The following TMEM144 variants were observed in gnomAD, a reference collection of about 807,000 sequenced individuals.
TMEM144 encodes the protein transmembrane protein 144.
A neutral mutation model predicts 43.6 loss-of-function variants in TMEM144; 39 were observed. The ratio of observed to expected loss-of-function variants is 0.90; its 90% CI spans 0.69 to 1.17. The LOEUF is 1.17. Among genes scored for constraint, TMEM144 ranks in the 50% most tolerant of loss-of-function variants. The pLI, the probability that TMEM144 is intolerant of heterozygous loss-of-function variation, is 0.00. For missense variants in TMEM144, 417 were observed against 411.9 expected (o/e 1.01, Z -0.11); for synonymous variants, 154 against 133.6 (o/e 1.15, Z -1.06).
chr4:158,218,710 G>A (rs191819916), intron 5 of TMEM144, among the ~76,000 whole-genome samples: 16 of 152,238 alleles, frequency 1.1e-4, no homozygotes, highest in African/African-American at 3.1e-4. Context: ...TGAGTCAGGT[G>A]AACTACTTTT....
chr4:158,229,503 G>A (rs1221850701), intron 6 of TMEM144, among the ~76,000 whole-genome samples: 1 of 152,068 alleles, frequency 6.6e-6, no homozygotes, highest in Admixed American at 6.5e-5. Flanking sequence ...ACCCATTTAA[G>A]GCAGCACTTT....
chr4:158,246,504 A>G (rs1735898756), intron 12 of TMEM144, among the ~76,000 whole-genome samples: 1 of 152,218 alleles, frequency 6.6e-6, no homozygotes, highest in African/African-American at 2.4e-5. Flanking sequence ...GATTTAAAAA[A>G]TAATAAACTT....
rs530224295 is a variant in TMEM144, at chr4:158,236,401, A to C, written c.563+896A>C. Among the ~76,000 whole-genome samples, 5 of 152,272 alleles carry C rather than the reference A, an allele frequency of 3.3e-5. No individual in the cohort carries two copies. The East Asian group carries it at 9.7e-4, about 29-fold the overall frequency. On this transcript the variant is annotated intron_variant, in intron 8 of 12. Transcript: ENST00000296529. ...TTTTTTTTCACAAAGCCTCCCCTTC[A>C]TTAAGATATTTTTAAAGAAAAATAT...
Position 158,253,462 on chromosome 4 carries a change from T to C in TMEM144, c.973T>C (p.Leu325=). The C allele has an allele frequency of 6.2e-7, 1 of 1,613,598 alleles. No homozygotes were observed. The highest frequency in any genetic ancestry group is 8.5e-7 in the Non-Finnish European group (1 of 1,179,766). The part of the protein sequence containing the change: ...KEIKGLQNYL[L]MILAFCIILT... Reference sequence around the variant, plus strand: ...TATTCAGGGTCTACAAAACTACCTATTAATGATACTTGCATTTTGCATCAT... The same window carrying C: ...TATTCAGGGTCTACAAAACTACCTACTAATGATACTTGCATTTTGCATCAT... Residue 325 remains leucine, a synonymous_variant, in exon 13 of 13, where the codon TTA becomes CTA. Transcript: ENST00000296529.
intron 6 of TMEM144, among the ~76,000 whole-genome samples, chr4:158,232,607 A>G (rs1199999119): frequency 6.6e-6 from 1 of 152,222 alleles, no homozygotes; most frequent in African/African-American, 2.4e-5. Context: ...ATTTCAATGT[A>G]GTTTTCATTT....
chr4:158,211,348 C>A (rs375500942), intron 1 of TMEM144, 105 bp from the exon 2 acceptor site: 3 of 152,196 alleles, frequency 2.0e-5, no homozygotes, highest in African/African-American at 4.8e-5. Flanking sequence ...TAGACATTCT[C>A]TTCTATCAAT....
chr4:158,238,990 C>T (rs1305084953), intron 9 of TMEM144, among the ~76,000 whole-genome samples: 2 of 152,060 alleles, frequency 1.3e-5, no homozygotes, highest in African/African-American at 2.4e-5. Flanking sequence ...TGTGCTCTGT[C>T]CTAAGTATTT....
chr4:158,235,342 T>A (rs1735285555), intron 7 of TMEM144, 96 bp from the exon 8 acceptor site: 2 of 1,275,352 alleles, frequency 1.6e-6, no homozygotes, highest in South Asian at 2.9e-5. Flanking sequence ...TTAAAGCATG[T>A]TTGAAAGAGA....
At chr4:158,233,622 A>G (rs1735196345) in intron 7 of TMEM144, 1 of 152,278 alleles carries the variant, frequency 6.6e-6, no homozygotes, top group African/African-American at 2.4e-5. Context: ...AATCCTTCTC[A>G]TCTCAAGAAA....
intron 12 of TMEM144, among the ~76,000 whole-genome samples, chr4:158,247,893 G>A: frequency 6.8e-6 from 1 of 147,158 alleles, no homozygotes. Flanking sequence ...AGGTCCTAAA[G>A]TTTGGCTAAT....
At chr4:158,229,573 C>G (rs529923208) in intron 6 of TMEM144, among the ~76,000 whole-genome samples, 3 of 152,248 alleles carry the variant, frequency 2.0e-5, no homozygotes, top group Non-Finnish European at 4.4e-5. Context: ...TCTGGTCTAT[C>G]CAGATTCCTC....
At chr4:158,222,550 A>C (rs959423719) in intron 6 of TMEM144, among the ~76,000 whole-genome samples, 3 of 152,178 alleles carry the variant, frequency 2.0e-5, no homozygotes, top group Non-Finnish European at 4.4e-5. Flanking sequence ...CTAAACTACC[A>C]AAACTTTTTG....
At chr4:158,242,201 C>T (rs1020224723) in intron 11 of TMEM144, among the ~76,000 whole-genome samples, 4 of 152,222 alleles carry the variant, frequency 2.6e-5, no homozygotes, top group Non-Finnish European at 4.4e-5. Flanking sequence ...GTAATGGAAG[C>T]AAAGCCTTCT....
Position 158,253,629 on chromosome 4 carries a change from G to T in TMEM144, c.*102G>T. The T allele has an allele frequency of 2.2e-6, 2 of 900,832 alleles. No individual in the cohort carries two copies. Among genetic ancestry groups the T allele is most frequent in the Non-Finnish European group, 3.5e-6 (2 of 579,166 alleles). The allele number at this position is 900,832 out of a possible 1,614,324, so 55.8% of individuals were successfully genotyped here. A position where few individuals can be genotyped will look rare whatever the true frequency, so the allele number is the denominator to read the frequency against. On this transcript the variant is annotated 3_prime_UTR_variant, in exon 13 of 13. Coordinates refer to ENST00000296529, the MANE Select transcript of TMEM144 (RefSeq NM_018342.5). The stretch of plus-strand genomic sequence containing the variant: ...AAGAGTGCATTTTCATATAGCAAAT[G>T]GATCTCAGCCACTGTTGGAGTGGGT...
At chr4:158,238,676 A>G (rs965468536) in intron 9 of TMEM144, among the ~76,000 whole-genome samples, 4 of 152,362 alleles carry the variant, frequency 2.6e-5, no homozygotes, top group South Asian at 2.1e-4. Context: ...TATACTTGCT[A>G]GAAAGGAGGC....
chr4:158,244,396 C>T (rs374339575), intron 12 of TMEM144, 47 bp downstream of exon 12: 89 of 1,518,300 alleles, frequency 5.9e-5, no homozygotes, highest in East Asian at 2.5e-4. Context: ...TGGGGTAGGC[C>T]GGGCGTGGTG....
intron 12 of TMEM144, among the ~76,000 whole-genome samples, chr4:158,248,328 A>G (rs1473213539): frequency 6.6e-6 from 1 of 152,056 alleles, no homozygotes; most frequent in Non-Finnish European, 1.5e-5. Context: ...GCTGTTTGGG[A>G]GGCTGAGATG....
intron 8 of TMEM144, 105 bp from the exon 9 acceptor site, chr4:158,237,420 C>A: frequency 1.2e-6 from 1 of 848,550 alleles, no homozygotes; most frequent in Non-Finnish European, 1.9e-6. Flanking sequence ...ATGGTTTTTG[C>A]TTGTTTGTGA....
chr4:158,226,534 T>C (rs1341321100), intron 6 of TMEM144, among the ~76,000 whole-genome samples: 2 of 152,186 alleles, frequency 1.3e-5, no homozygotes, highest in Non-Finnish European at 2.9e-5. Context: ...TTTTAACCTT[T>C]TAATGTAGGT....
Sources: gnomAD v4.1 joint callset for allele counts (sites outside exome capture counted in the v4.1 genomes callset) on GRCh38, gnomAD v4.1.1 for gene constraint, MANE v1.5 for transcripts, NCBI Gene and HGNC (gene_info 2026-07-23, HGNC 2026-07-21) for gene names.